The following ADK variants were observed in gnomAD, a reference collection of about 807,000 sequenced individuals.
ADK encodes adenosine kinase, also known as N6,N6-dimethyladenosine kinase.
ADK carries 24 observed loss-of-function variants against 44.7 expected under a neutral mutation model. That is an observed-to-expected ratio of 0.54 (90% confidence interval 0.39 to 0.76). The LOEUF is 0.76. ADK is among the 30% of genes least tolerant of loss of function. The probability of loss-of-function intolerance (pLI) is 0.00; values close to 1 mark genes in which losing one functional copy is unlikely to be tolerated. For synonymous variants in ADK, 128 were observed against 142.6 expected (o/e 0.90, Z 0.73); for missense variants, 321 against 425.1 (o/e 0.76, Z 2.15).
intron 7 of ADK, among the ~76,000 whole-genome samples, chr10:74,531,721 G>C (rs1589223735): frequency 1.3e-5 from 2 of 152,066 alleles, no homozygotes; most frequent in Non-Finnish European, 1.5e-5. Context: ...TTGTAGAGAG[G>C]AGGTCTCGTT....
At chr10:74,627,627 G>T (rs1355729408) in intron 9 of ADK, among the ~76,000 whole-genome samples, 2 of 150,554 alleles carry the variant, frequency 1.3e-5, no homozygotes, top group Non-Finnish European at 3.0e-5. Context: ...TTTTTTTGTT[G>T]TTGTATTTTG....
At chr10:74,689,906 A>G (rs929075119) in intron 10 of ADK, among the ~76,000 whole-genome samples, 2 of 152,192 alleles carry the variant, frequency 1.3e-5, no homozygotes, top group East Asian at 1.9e-4. Context: ...AGCGTGCATC[A>G]GAATCATCTG....
In ADK at chr10:74,607,795, A is replaced by T. The variant is rs188760140; in HGVS notation, c.877+7302A>T. ...GTTGGCCTGTCTTGCTAGATTGGGGAAGCTTTCTTGGATAATATTCTGAAG... is the reference window on the plus strand; with the variant it reads ...GTTGGCCTGTCTTGCTAGATTGGGGTAGCTTTCTTGGATAATATTCTGAAG... On this transcript the variant is annotated intron_variant, in intron 9 of 10. Coordinates refer to ENST00000539909, the MANE Select transcript of ADK (RefSeq NM_006721.4). 3.9e-5 allele frequency among the ~76,000 whole-genome samples: 6 copies of T among 152,140 alleles called. No individual in the cohort carries two copies. In the East Asian group the frequency reaches 1.2e-3, roughly 29 times the overall value.
chr10:74,584,654 T>C (rs1434793036), intron 7 of ADK, among the ~76,000 whole-genome samples: 1 of 152,214 alleles, frequency 6.6e-6, no homozygotes, highest in Non-Finnish European at 1.5e-5. Flanking sequence ...AGTTATAGTA[T>C]TATTGAGTCA....
rs192718034 is a variant in ADK at position 74,519,551 on chromosome 10, G to A, written c.556-5705G>A. On this transcript the variant is annotated intron_variant, in intron 6 of 10. Transcript: ENST00000539909. ...TTCAATGAAATAAGTACACTGATAAGTTTATGAATGTATATTTTCCCATGT... is the reference window on the plus strand; with the variant it reads ...TTCAATGAAATAAGTACACTGATAAATTTATGAATGTATATTTTCCCATGT... 1.1e-4 allele frequency among the ~76,000 whole-genome samples: 17 copies of A among 151,980 alleles called. No homozygotes were observed. In the East Asian group the frequency reaches 3.1e-3, roughly 28 times the overall value.
intron 2 of ADK, among the ~76,000 whole-genome samples, chr10:74,218,893 G>A (rs562612447): frequency 1.8e-4 from 27 of 152,130 alleles, no homozygotes; most frequent in African/African-American, 5.8e-4. Flanking sequence ...AGGAACAACC[G>A]GTACCAGCTG....
At chr10:74,200,359 CTTT>C (rs1843331090) in intron 1 of ADK, among the ~76,000 whole-genome samples, 1 of 151,640 alleles carries the variant, frequency 6.6e-6, no homozygotes, top group South Asian at 2.1e-4. Flanking sequence ...TGGCAGGCAC[CTTT>C]AATCCCAGCT....
chr10:74,669,606 C>T (rs1016536531), intron 9 of ADK, among the ~76,000 whole-genome samples: 3 of 152,070 alleles, frequency 2.0e-5, no homozygotes, highest in African/African-American at 7.2e-5. Context: ...CAAAACATAA[C>T]CAGATTAGGT....
intron 7 of ADK, chr10:74,529,351 G>A (rs1056015696): frequency 1.3e-5 from 2 of 152,134 alleles, no homozygotes; most frequent in African/African-American, 2.4e-5. Context: ...TGATTACCTG[G>A]GAGTGGGGTG....
chr10:74,704,616 A>G (rs1448287778), intron 10 of ADK, among the ~76,000 whole-genome samples: 1 of 152,234 alleles, frequency 6.6e-6, no homozygotes, highest in Non-Finnish European at 1.5e-5. Flanking sequence ...CAGGTTCTCC[A>G]CTTGTCAAAG....
intron 7 of ADK, among the ~76,000 whole-genome samples, chr10:74,568,409 G>A (rs142655474): frequency 3.3e-5 from 5 of 152,030 alleles, no homozygotes; most frequent in Middle Eastern, 6.8e-3. Context: ...GCTCTGATAC[G>A]GTGTTGCCTC....
chr10:74,426,610 T>C (rs1226259932), intron 6 of ADK, among the ~76,000 whole-genome samples: 1 of 150,108 alleles, frequency 6.7e-6, no homozygotes, highest in East Asian at 2.0e-4. Flanking sequence ...GAAGGGAGAG[T>C]GAGGTGGAAG....
At chr10:74,412,289 C>A (rs891148818) in intron 6 of ADK, among the ~76,000 whole-genome samples, 3 of 152,112 alleles carry the variant, frequency 2.0e-5, no homozygotes, top group African/African-American at 7.2e-5. Flanking sequence ...CAAGCTCAAG[C>A]AATCCTCCCA....
chr10:74,663,084 AAAGTTAGCTGGGC>A (rs1050746118), intron 9 of ADK, among the ~76,000 whole-genome samples: 1 of 151,906 alleles, frequency 6.6e-6, no homozygotes, highest in African/African-American at 2.4e-5. Context: ...AAAAGTACAA[AAAGTTAGCTGGGC>A]ATAGTGGTGC....
intron 6 of ADK, among the ~76,000 whole-genome samples, chr10:74,432,119 A>G (rs1845022081): frequency 1.3e-5 from 2 of 151,890 alleles, no homozygotes; most frequent in Non-Finnish European, 2.9e-5. Flanking sequence ...CCTTGAGCCC[A>G]GGAGGTCAAG....
At chr10:74,224,142 A>G (rs746142856) in intron 2 of ADK, among the ~76,000 whole-genome samples, 2 of 152,194 alleles carry the variant, frequency 1.3e-5, no homozygotes, top group Non-Finnish European at 2.9e-5. Flanking sequence ...CTCCTGTGTC[A>G]TGCTACTTAG....
At chr10:74,705,873 C>A (rs931607880) in intron 10 of ADK, among the ~76,000 whole-genome samples, 3 of 152,146 alleles carry the variant, frequency 2.0e-5, no homozygotes, top group Admixed American at 6.5e-5. Flanking sequence ...ATTTGCATTT[C>A]TTTAATGAAT....
chr10:74,288,436 G>C (rs560015363), intron 3 of ADK, among the ~76,000 whole-genome samples: 1 of 152,144 alleles, frequency 6.6e-6, no homozygotes, highest in South Asian at 2.1e-4. Flanking sequence ...GATCAGCTGA[G>C]ATCAGGAGTT....
chr10:74,364,082 G>A (rs1842424786), intron 4 of ADK, among the ~76,000 whole-genome samples: 1 of 152,138 alleles, frequency 6.6e-6, no homozygotes, highest in African/African-American at 2.4e-5. Flanking sequence ...TATTTTTGGT[G>A]TATTATACAT....
Sources: gnomAD v4.1 joint callset for allele counts (sites outside exome capture counted in the v4.1 genomes callset) on GRCh38, gnomAD v4.1.1 for gene constraint, MANE v1.5 for transcripts, NCBI Gene and HGNC (gene_info 2026-07-23, HGNC 2026-07-21) for gene names.